Variants in ATG10 observed in about 807,000 individuals in gnomAD.
ATG10 encodes the protein autophagy related 10.
A neutral mutation model predicts 32.1 loss-of-function variants in ATG10; 30 were observed. The observed-to-expected ratio is 0.94, with a 90% CI of 0.70 to 1.27. The LOEUF (loss-of-function observed/expected upper bound fraction) is 1.27, where lower values mean the gene tolerates loss of function less well. Among genes scored for constraint, ATG10 ranks in the 50% most tolerant of loss-of-function variants. The pLI is 0.00. For synonymous variants in ATG10, 87 were observed against 91.5 expected, an observed-to-expected ratio of 0.95 and a Z score of 0.28; for missense variants, 233 against 262.3, an observed-to-expected ratio of 0.89 and a Z score of 0.77.
intron 3 of ATG10, among the ~76,000 whole-genome samples, chr5:82,152,061 A>G (rs930484609): frequency 2.0e-5 from 3 of 152,242 alleles, no homozygotes; most frequent in African/African-American, 4.8e-5. Context: ...AAAAAATTAC[A>G]TATTCAATCA....
At chr5:82,180,634 C>T (rs1561343440) in intron 5 of ATG10, among the ~76,000 whole-genome samples, 5 of 151,974 alleles carry the variant, frequency 3.3e-5, no homozygotes, top group Admixed American at 1.3e-4. Flanking sequence ...ATCCACAAGA[C>T]CCAGAAAATG....
intron 2 of ATG10, among the ~76,000 whole-genome samples, chr5:82,016,071 G>A (rs1310633013): frequency 6.6e-6 from 1 of 152,062 alleles, no homozygotes; most frequent in Non-Finnish European, 1.5e-5. Flanking sequence ...TTCTTTTGCT[G>A]TGCATAAGCT....
intron 4 of ATG10, among the ~76,000 whole-genome samples, chr5:82,172,179 G>T (rs1401037960): frequency 2.0e-5 from 3 of 152,116 alleles, no homozygotes; most frequent in African/African-American, 7.2e-5. Context: ...TGTTGATGGG[G>T]ACCACTAGTA....
At chr5:82,162,321 G>A (rs1227534661) in intron 3 of ATG10, among the ~76,000 whole-genome samples, 2 of 151,950 alleles carry the variant, frequency 1.3e-5, no homozygotes, top group African/African-American at 4.8e-5. Flanking sequence ...CAAGAAACTA[G>A]GAATTAAAAC....
At chr5:82,188,228 A>C (rs867965412) in intron 5 of ATG10, among the ~76,000 whole-genome samples, 1 of 152,316 alleles carries the variant, frequency 6.6e-6, no homozygotes, top group South Asian at 2.1e-4. Context: ...AGTTTATTTC[A>C]CTACATAATA....
chr5:81,993,413 C>CTTTTCTTTTCTTTTCTTTTCTTTTCTT (rs1561244427), intron 2 of ATG10, among the ~76,000 whole-genome samples: 5 of 106,720 alleles, frequency 4.7e-5, no homozygotes, highest in Non-Finnish European at 7.5e-5. Context: ...CTTTTCTTTT[C>CTTTTCTTTTCTTTTCTTTTCTTTTCTT]TTTTCTTTTC....
intron 2 of ATG10, among the ~76,000 whole-genome samples, chr5:81,989,441 C>G (rs1451958945): frequency 6.6e-6 from 1 of 151,938 alleles, no homozygotes. Flanking sequence ...GAGGGAGGGT[C>G]GATGTGTTGT....
At chr5:82,007,934 T>G (rs920298580) in intron 2 of ATG10, among the ~76,000 whole-genome samples, 1 of 152,242 alleles carries the variant, frequency 6.6e-6, no homozygotes, top group African/African-American at 2.4e-5. Context: ...TATGCTTATA[T>G]AGATTCTTTC....
intron 2 of ATG10, among the ~76,000 whole-genome samples, chr5:82,042,681 C>T (rs1249452573): frequency 6.6e-6 from 1 of 152,174 alleles, no homozygotes; most frequent in Non-Finnish European, 1.5e-5. Flanking sequence ...AAATGGGAGA[C>T]ATTGGCCAAA....
At chr5:82,173,559 C>G (rs1173730683) in intron 4 of ATG10, among the ~76,000 whole-genome samples, 1 of 152,144 alleles carries the variant, frequency 6.6e-6, no homozygotes, top group Non-Finnish European at 1.5e-5. Flanking sequence ...TCAATAAACA[C>G]TTGTTATATA....
intron 3 of ATG10, among the ~76,000 whole-genome samples, chr5:82,087,176 C>G (rs959399831): frequency 6.6e-6 from 1 of 152,038 alleles, no homozygotes; most frequent in African/African-American, 2.4e-5. Flanking sequence ...AATGGCAATT[C>G]ACAGCAATGA....
At chr5:82,153,489 G>A (rs999861239) in intron 3 of ATG10, among the ~76,000 whole-genome samples, 2 of 152,104 alleles carry the variant, frequency 1.3e-5, no homozygotes, top group African/African-American at 4.8e-5. Context: ...GAGGTGACAG[G>A]GGTGACAGAT....
intron 5 of ATG10, among the ~76,000 whole-genome samples, chr5:82,230,732 C>CAAAAAAAAAAA (rs397881697): frequency 1.2e-4 from 7 of 58,798 alleles, no homozygotes; most frequent in Non-Finnish European, 1.6e-4. Context: ...GACTCCGTCT[C>CAAAAAAAAAAA]AAAAAAAAAA....
intron 5 of ATG10, among the ~76,000 whole-genome samples, chr5:82,199,091 A>G (rs1422837047): frequency 6.6e-6 from 1 of 152,228 alleles, no homozygotes; most frequent in Non-Finnish European, 1.5e-5. Context: ...AAACCTGGTG[A>G]AAATTTTGAA....
chr5:82,159,617 C>T (rs189172783), intron 3 of ATG10, among the ~76,000 whole-genome samples: 1 of 151,974 alleles, frequency 6.6e-6, no homozygotes, highest in Non-Finnish European at 1.5e-5. Context: ...ATAATGAACA[C>T]CCAGGGACCC....
intron 2 of ATG10, among the ~76,000 whole-genome samples, chr5:82,057,502 C>A (rs996689788): frequency 2.4e-4 from 36 of 152,108 alleles, no homozygotes; most frequent in Non-Finnish European, 4.4e-4. Flanking sequence ...TGGCTTTCTT[C>A]CCTGTTTGTG....
intron 1 of ATG10, among the ~76,000 whole-genome samples, chr5:81,987,330 GAC>G (rs1365956174): frequency 6.6e-6 from 1 of 152,084 alleles, no homozygotes; most frequent in Non-Finnish European, 1.5e-5. Context: ...TTGCTGTGTT[GAC>G]CAGGCTGGTC....
intron 4 of ATG10, among the ~76,000 whole-genome samples, chr5:82,173,907 T>C (rs1581769547): frequency 6.6e-6 from 1 of 152,202 alleles, no homozygotes; most frequent in South Asian, 2.1e-4. Flanking sequence ...TTTATGTCCG[T>C]GTTTTAAGTT....
chr5:82,019,948 G>A (rs1195765441), intron 2 of ATG10, among the ~76,000 whole-genome samples: 1 of 152,234 alleles, frequency 6.6e-6, no homozygotes, highest in Admixed American at 6.5e-5. Context: ...GACCTCAGCA[G>A]TTGTAGAAGG....
Sources: gnomAD v4.1 joint callset for allele counts (sites outside exome capture counted in the v4.1 genomes callset) on GRCh38, gnomAD v4.1.1 for gene constraint, MANE v1.5 for transcripts, NCBI Gene and HGNC (gene_info 2026-07-23, HGNC 2026-07-21) for gene names.